The following KDM6A variants were observed in gnomAD, a reference collection of about 807,000 sequenced individuals.
KDM6A encodes lysine demethylase 6A.
A neutral mutation model predicts 117.6 loss-of-function variants in KDM6A; 11 were observed. The ratio of observed to expected loss-of-function variants is 0.09; its 90% CI spans 0.06 to 0.15. The LOEUF (loss-of-function observed/expected upper bound fraction) is 0.15. Ranked by LOEUF, KDM6A falls within the 10% of genes least tolerant of loss-of-function variation. The pLI is 1.00. For missense variants in KDM6A, 799 were observed against 1,077.3 expected, an observed-to-expected ratio of 0.74 and a Z score of 3.62; for synonymous variants, 384 against 396.1, an observed-to-expected ratio of 0.97 and a Z score of 0.36.
chrX:44,970,037 G>A lies in KDM6A; in HGVS notation c.335-4629G>A, dbSNP rs1269615127. On this transcript the variant is annotated intron_variant, in intron 3 of 29. Coordinates refer to ENST00000611820, the MANE Select transcript of KDM6A (RefSeq NM_001291415.2). ...TTGGTCAAAAGGATTTTACTAGAGAGACTTTGGTGAGGTGATGGGTACTTG... is the reference window on the plus strand; with the variant it reads ...TTGGTCAAAAGGATTTTACTAGAGAAACTTTGGTGAGGTGATGGGTACTTG... Among the ~76,000 whole-genome samples the A allele has an allele frequency of 2.7e-5, 3 of 112,339 alleles. No individual in the cohort carries two copies. In the Admixed American group the frequency reaches 2.8e-4, roughly 11 times the overall value.
chrX:44,943,371 T>A (rs1431793403), intron 2 of KDM6A, among the ~76,000 whole-genome samples: 7 of 83,310 alleles, frequency 8.4e-5, no homozygotes, highest in Non-Finnish European at 1.5e-4. Context: ...AGTGTCAGCA[T>A]TTTTTAGCAA....
chrX:45,014,246 T>C (rs1191650766), intron 5 of KDM6A, among the ~76,000 whole-genome samples: 1 of 112,198 alleles, frequency 8.9e-6, no homozygotes, highest in African/African-American at 3.2e-5. Context: ...GTGTTACTCT[T>C]AACCTATTGT....
intron 2 of KDM6A, among the ~76,000 whole-genome samples, chrX:44,959,677 TTC>T (rs1375871433): frequency 9.0e-6 from 1 of 111,581 alleles, no homozygotes; most frequent in Non-Finnish European, 1.9e-5. Flanking sequence ...TGTTATGAAT[TTC>T]TCTGATATTA....
chrX:45,058,565 A>C (rs1194310054), intron 10 of KDM6A, among the ~76,000 whole-genome samples: 1 of 110,976 alleles, frequency 9.0e-6, no homozygotes, highest in Non-Finnish European at 1.9e-5. Flanking sequence ...GGGAAAGGAA[A>C]ATTGAAATCT....
At chrX:44,999,084 G>A (rs1250363519) in intron 4 of KDM6A, among the ~76,000 whole-genome samples, 1 of 103,522 alleles carries the variant, frequency 9.7e-6, no homozygotes, top group African/African-American at 4.1e-5. Flanking sequence ...TTGGGAGGCC[G>A]AGGCGGGTGG....
intron 3 of KDM6A, among the ~76,000 whole-genome samples, chrX:44,963,499 C>CTGTCTGTCTCTGTCTG (rs796328734): frequency 8.6e-5 from 7 of 81,137 alleles, no homozygotes; most frequent in Admixed American, 2.6e-4. Flanking sequence ...GTCTGTCTGT[C>CTGTCTGTCTCTGTCTG]TCTGTCTGTC....
At chrX:44,875,929 G>A (rs1466600767) in intron 2 of KDM6A, among the ~76,000 whole-genome samples, 1 of 111,722 alleles carries the variant, frequency 9.0e-6, no homozygotes, top group African/African-American at 3.3e-5. Flanking sequence ...ATTAAACCCT[G>A]CAGTTATGCA....
chrX:44,978,159 T>TTTTC (rs2039705957), intron 4 of KDM6A, among the ~76,000 whole-genome samples: 1 of 112,443 alleles, frequency 8.9e-6, no homozygotes, highest in Admixed American at 9.4e-5. Flanking sequence ...TTCACCCACA[T>TTTTC]TTTCTTTCAG....
intron 4 of KDM6A, among the ~76,000 whole-genome samples, chrX:44,998,094 T>A (rs1159039365): frequency 9.0e-6 from 1 of 111,615 alleles, no homozygotes; most frequent in Non-Finnish European, 1.9e-5. Context: ...GTTTGAGTTT[T>A]CGAAAGCTCA....
intron 2 of KDM6A, among the ~76,000 whole-genome samples, chrX:44,912,437 A>G (rs1029085538): frequency 8.9e-6 from 1 of 111,783 alleles, no homozygotes; most frequent in Non-Finnish European, 1.9e-5. Flanking sequence ...TTTTCCAATC[A>G]TGACAGTGGG....
chrX:45,025,273 C>T (rs2042323186), intron 6 of KDM6A, among the ~76,000 whole-genome samples: 1 of 111,671 alleles, frequency 9.0e-6, no homozygotes, highest in Non-Finnish European at 1.9e-5. Flanking sequence ...AACAATTCTC[C>T]TGTCTCAGCC....
intron 5 of KDM6A, among the ~76,000 whole-genome samples, chrX:45,017,159 C>T (rs773720908): frequency 8.9e-6 from 1 of 111,944 alleles, no homozygotes; most frequent in Non-Finnish European, 1.9e-5. Context: ...TCTTTTGTTT[C>T]GTTAGAGAAT....
At chrX:45,000,997 T>C (rs759451376) in intron 4 of KDM6A, among the ~76,000 whole-genome samples, 65 of 113,028 alleles carry the variant, frequency 5.8e-4, no homozygotes, top group Middle Eastern at 4.6e-3. Context: ...CATTTGCATC[T>C]TGATATCCTG....
intron 2 of KDM6A, among the ~76,000 whole-genome samples, chrX:44,898,772 G>A (rs1419303897): frequency 9.0e-6 from 1 of 110,691 alleles, no homozygotes; most frequent in African/African-American, 3.3e-5. Flanking sequence ...CTGTGTGGGG[G>A]ATGGAAGATC....
At chrX:44,902,676 C>T (rs2034427650) in intron 2 of KDM6A, among the ~76,000 whole-genome samples, 1 of 112,439 alleles carries the variant, frequency 8.9e-6, no homozygotes, top group South Asian at 3.7e-4. Context: ...GCGTGAGCCA[C>T]AGTGCCCGGC....
intron 4 of KDM6A, among the ~76,000 whole-genome samples, chrX:45,002,861 GCC>G (rs1169401246): frequency 3.0e-3 from 67 of 21,996 alleles, no homozygotes; most frequent in African/African-American, 8.2e-3. Context: ...TCCCCTCCCC[GCC>G]CCCCCCCCCC....
At chrX:45,015,971 G>A (rs1288866916) in intron 5 of KDM6A, among the ~76,000 whole-genome samples, 1 of 111,512 alleles carries the variant, frequency 9.0e-6, no homozygotes, top group African/African-American at 3.3e-5. Flanking sequence ...AACCAGGACA[G>A]GTGATATATT....
At chrX:44,999,389 G>A (rs956672373) in intron 4 of KDM6A, among the ~76,000 whole-genome samples, 4 of 110,814 alleles carry the variant, frequency 3.6e-5, no homozygotes, top group African/African-American at 9.9e-5. Context: ...GGGTTAGACC[G>A]CACAGGCTAA....
chrX:44,881,002 A>G (rs1459949639), intron 2 of KDM6A, among the ~76,000 whole-genome samples: 2 of 111,846 alleles, frequency 1.8e-5, no homozygotes, highest in Non-Finnish European at 3.8e-5. Flanking sequence ...GATGTACCCA[A>G]TTAGGTCCTA....
Sources: allele counts gnomAD v4.1 joint callset (sites outside exome capture counted in the v4.1 genomes callset), GRCh38; gene constraint gnomAD v4.1.1; transcripts MANE v1.5; gene names NCBI Gene and HGNC (gene_info 2026-07-23, HGNC 2026-07-21).